DOC2B: variants seen among roughly 807,000 people sequenced by gnomAD.
DOC2B encodes the protein double C2-like domain-containing protein beta.
DOC2B carries 21 observed loss-of-function variants against 28.9 expected under a neutral mutation model. The observed-to-expected ratio is 0.73, with a 90% CI of 0.52 to 1.05. DOC2B has a LOEUF of 1.05. Ranked by LOEUF, DOC2B falls within the 50% of genes least tolerant of loss-of-function variation. The probability of loss-of-function intolerance (pLI) is 0.00; values close to 1 mark genes in which losing one functional copy is unlikely to be tolerated. For missense variants in DOC2B, 384 were observed against 421.1 expected (o/e 0.91, Z 0.77); for synonymous variants, 194 against 178.1 (o/e 1.09, Z -0.71).
At chr17:164,237 A>C (rs2040236968) in intron 2 of DOC2B, 33 bp from the exon 3 acceptor site, 2 of 1,498,994 alleles carry the variant, frequency 1.3e-6, no homozygotes, top group Non-Finnish European at 1.8e-6. Context: ...TGTGAACTGG[A>C]AATCGGGGAC....
intron 3 of DOC2B, 82 bp downstream of exon 3, chr17:164,048 C>T (rs915722427): frequency 4.2e-6 from 5 of 1,189,296 alleles, no homozygotes; most frequent in Non-Finnish European, 1.2e-6. Context: ...CAGTCCAGGC[C>T]CCAAAGCAAA....
At chr17:156,523 C>A (rs1555522559) in intron 5 of DOC2B, 146 bp from the exon 6 acceptor site, 2 of 834,698 alleles carry the variant, frequency 2.4e-6, no homozygotes, top group Non-Finnish European at 3.7e-6. Context: ...TGTGAACTCA[C>A]AGCCCTTCTG....
chr17:178,878 T>G (rs1209346391), intron 1 of DOC2B, among the ~76,000 whole-genome samples: 1 of 152,198 alleles, frequency 6.6e-6, no homozygotes, highest in Admixed American at 6.5e-5. Context: ...CATTGAGGCT[T>G]ATTCTAAGGA....
rs550082903 is a variant in DOC2B at position 156,683 on chromosome 17, C to T, written c.766-306G>A. ...TGCAGCCCGGGGGCCAGATCAGGCC[C>T]GACGCCTGGCTCTGTGTGGGATGTG... is the stretch of plus-strand genomic sequence containing the variant. On this transcript the variant is annotated intron_variant, in intron 5 of 8. Coordinates refer to ENST00000613549, the MANE Select transcript of DOC2B (RefSeq NM_003585.5). 9.2e-5 allele frequency among the ~76,000 whole-genome samples: 14 copies of T among 152,328 alleles called. No homozygotes were observed. The East Asian group carries it at 2.3e-3, about 25-fold the overall frequency.
At chr17:152,999 G>A (rs1248692559) in intron 6 of DOC2B, among the ~76,000 whole-genome samples, 1 of 152,112 alleles carries the variant, frequency 6.6e-6, no homozygotes, top group Non-Finnish European at 1.5e-5. Flanking sequence ...GAGGCCCCTG[G>A]TCCATGAAGG....
chr17:172,615 A>G lies in DOC2B; in HGVS notation c.375T>C (p.Thr125=), dbSNP rs200022249. 3.0e-4 allele frequency: 460 copies of G among 1,549,992 alleles called. 1 individual carries two copies. In the African/African-American group the frequency reaches 5.5e-3, roughly 19 times the overall value. The change falls in exon 2 of 9, where the codon ACT becomes ACC. Residue 125 remains threonine, a splice_region_variant and synonymous_variant. Transcript: ENST00000613549. The part of the protein sequence containing the change: ...DADGYESDDC[T]ALGTLDFSLL... Reference sequence around the variant, plus strand: ...GGCTGAAGTCCAGCGTGCCCAGGGCAGCTGCGGACAGAGGAGGGCACAGGT... The same window carrying G: ...GGCTGAAGTCCAGCGTGCCCAGGGCGGCTGCGGACAGAGGAGGGCACAGGT...
chr17:164,897 G>T (rs2040244901), intron 2 of DOC2B, among the ~76,000 whole-genome samples: 1 of 152,202 alleles, frequency 6.6e-6, no homozygotes, highest in South Asian at 2.1e-4. Context: ...AGGCAGCTGT[G>T]GCATCTGTGG....
In DOC2B at chr17:162,119, G is replaced by A. The variant is rs528855216; in HGVS notation, c.600C>T (p.Tyr200=). 42 of 1,551,876 alleles carry A rather than the reference G, an allele frequency of 2.7e-5. No homozygotes were observed. The highest frequency in any genetic ancestry group is 9.8e-5 in the East Asian group (4 of 40,920). Residue 200 remains tyrosine, a synonymous_variant, in exon 4 of 9, where the codon TAC becomes TAT. Coordinates refer to ENST00000613549, the MANE Select transcript of DOC2B (RefSeq NM_003585.5). The stretch of plus-strand genomic sequence containing the variant: ...GGATCATGTCTTCATCTGTGATCCC[G>A]TAGTAAGTGAGGGTCTCGTTCCATG... ...NPTWNETLTY[Y]GITDEDMIRK... is the part of the protein sequence containing the mutation.
At chr17:169,434 C>T (rs2040286721) in intron 2 of DOC2B, among the ~76,000 whole-genome samples, 1 of 151,582 alleles carries the variant, frequency 6.6e-6, no homozygotes. Flanking sequence ...GGTTTCACAG[C>T]AGTGTGAAGG....
At chr17:174,135 A>G (rs560276915) in intron 1 of DOC2B, among the ~76,000 whole-genome samples, 2 of 152,236 alleles carry the variant, frequency 1.3e-5, no homozygotes, top group South Asian at 2.1e-4. Context: ...TGAGCTGGTG[A>G]TGGGAGTGGC....
chr17:158,414 A>C (rs2040161010), intron 5 of DOC2B, among the ~76,000 whole-genome samples: 1 of 152,108 alleles, frequency 6.6e-6, no homozygotes, highest in Non-Finnish European at 1.5e-5. Flanking sequence ...GCCTAACACC[A>C]AAGTGAGTCC....
chr17:170,265 T>C (rs921709125), intron 2 of DOC2B, among the ~76,000 whole-genome samples: 1 of 152,136 alleles, frequency 6.6e-6, no homozygotes, highest in African/African-American at 2.4e-5. Flanking sequence ...CCCTGAGTCA[T>C]AGCATGGGTG....
intron 2 of DOC2B, 62 bp from the exon 3 acceptor site, chr17:164,266 G>A: frequency 7.6e-7 from 1 of 1,309,522 alleles, no homozygotes; most frequent in Non-Finnish European, 1.1e-6. Flanking sequence ...GACAGGGCCT[G>A]CAGATGCCCT....
In DOC2B at chr17:172,656, T is replaced by A. The variant is rs368833995; in HGVS notation, c.374-40A>T. 300 of 1,509,342 alleles carry A rather than the reference T, an allele frequency of 2.0e-4. 1 individual carries two copies. The African/African-American group carries it at 3.5e-3, about 18-fold the overall frequency. 93.5% of individuals were successfully genotyped at this position (1,509,342 alleles called of 1,614,324 possible). On this transcript the variant is annotated intron_variant, in intron 1 of 8. Transcript: ENST00000613549. Reference sequence around the variant, plus strand: ...GGGCACAGGTCCCACCCTGGCCGCATCTTGGAGAGGCTTCGCCTGCCCCTG... The same window carrying A: ...GGGCACAGGTCCCACCCTGGCCGCAACTTGGAGAGGCTTCGCCTGCCCCTG...
At chr17:149,468 T>G (rs2040049535) in intron 6 of DOC2B, among the ~76,000 whole-genome samples, 1 of 152,200 alleles carries the variant, frequency 6.6e-6, no homozygotes, top group Non-Finnish European at 1.5e-5. Context: ...GAAAGGGGTT[T>G]TTCCTCATTT....
intron 6 of DOC2B, among the ~76,000 whole-genome samples, chr17:153,479 G>A (rs1483558697): frequency 6.6e-6 from 1 of 152,186 alleles, no homozygotes; most frequent in African/African-American, 2.4e-5. Context: ...AGGGTGGGTG[G>A]ATCACTTGAG....
chr17:155,801 C>A (rs2040127642), intron 6 of DOC2B, among the ~76,000 whole-genome samples: 1 of 152,218 alleles, frequency 6.6e-6, no homozygotes, highest in South Asian at 2.1e-4. Flanking sequence ...TCTGTAGCAC[C>A]ATTATAGGGC....
intron 6 of DOC2B, among the ~76,000 whole-genome samples, chr17:155,773 G>A (rs1555522357): frequency 6.6e-6 from 1 of 152,206 alleles, no homozygotes; most frequent in East Asian, 1.9e-4. Flanking sequence ...GGTAGAGCTG[G>A]GTGGACTCTT....
chr17:159,868 C>A (rs1555523021), intron 5 of DOC2B, among the ~76,000 whole-genome samples: 2 of 148,476 alleles, frequency 1.3e-5, no homozygotes, highest in African/African-American at 4.9e-5. Context: ...ACACACAATT[C>A]ACACACGAGC....
Sources: allele counts gnomAD v4.1 joint callset (sites outside exome capture counted in the v4.1 genomes callset), GRCh38; gene constraint gnomAD v4.1.1; transcripts MANE v1.5; gene names NCBI Gene and HGNC (gene_info 2026-07-23, HGNC 2026-07-21).